MB21D2: variants seen among roughly 807,000 people sequenced by gnomAD.
The protein encoded by MB21D2 is Mab-21 domain containing 2, also known as nucleotidyltransferase MB21D2.
A neutral mutation model predicts 33.3 loss-of-function variants in MB21D2; 9 were observed. That is an observed-to-expected ratio of 0.27 (90% CI 0.16 to 0.47). MB21D2 has a LOEUF of 0.47. MB21D2 is among the 20% of genes least tolerant of loss of function. The probability of loss-of-function intolerance (pLI) is 0.99; values close to 1 mark genes in which losing one functional copy is unlikely to be tolerated. For synonymous variants in MB21D2, 241 were observed against 236.3 expected (o/e 1.02, Z -0.18); for missense variants, 540 against 624.6 (o/e 0.86, Z 1.44).
chr3:192,865,686 C>T (rs1713152577), intron 1 of MB21D2, among the ~76,000 whole-genome samples: 1 of 152,116 alleles, frequency 6.6e-6, no homozygotes, highest in Non-Finnish European at 1.5e-5. Flanking sequence ...ACCAGGCCCC[C>T]TCCCAATCTT....
At position 192,798,052 on chromosome 3, in the gene MB21D2, C is replaced by G; in HGVS notation, c.*334G>C. ...AGATTTGTTTCCCCATACCCATGAA[C>G]AAATTTGCACCAAGTATGAAACAGA... On this transcript the variant is annotated 3_prime_UTR_variant, in exon 2 of 2. Coordinates refer to ENST00000392452, the MANE Select transcript of MB21D2 (RefSeq NM_178496.4). The surrounding 1 kb of genome is among the most constrained non-coding windows in gnomAD (Gnocchi z 4.8). 4.7e-6 allele frequency: 1 copy of G among 211,406 alleles called. No homozygotes were observed. Among genetic ancestry groups the G allele is most frequent in the Non-Finnish European group, 9.5e-6 (1 of 105,038 alleles). The allele number at this position is 211,406 out of a possible 1,614,324, so 13.1% of individuals were successfully genotyped here.
chr3:192,914,988 G>C (rs997270313), intron 1 of MB21D2, among the ~76,000 whole-genome samples: 1 of 152,162 alleles, frequency 6.6e-6, no homozygotes, highest in African/African-American at 2.4e-5. Flanking sequence ...CACAAAAAGA[G>C]AGTAACATGC....
chr3:192,873,009 A>ACCC (rs780328953), intron 1 of MB21D2, among the ~76,000 whole-genome samples: 6 of 141,886 alleles, frequency 4.2e-5, no homozygotes, highest in African/African-American at 1.6e-4. Flanking sequence ...TTTAGAAGAC[A>ACCC]CCCCCCCCCA....
At chr3:192,861,709 C>G (rs570224640) in intron 1 of MB21D2, among the ~76,000 whole-genome samples, 2 of 152,288 alleles carry the variant, frequency 1.3e-5, no homozygotes, top group South Asian at 4.1e-4. Flanking sequence ...GAGGCTAAGG[C>G]AGGAGAATCA....
Position 192,852,762 on chromosome 3 carries a change from T to A in MB21D2, c.212-53112A>T, listed in dbSNP as rs578034463. Among the ~76,000 whole-genome samples, 4 of 152,198 alleles carry A rather than the reference T, an allele frequency of 2.6e-5. No homozygotes were observed. The East Asian group carries it at 5.8e-4, about 22-fold the overall frequency. ...GTCAGTTGACTGGCAAATCCTCCAATTTTGCCCTAGAACTTTCAGAATGAG... is the reference window on the plus strand; with the variant it reads ...GTCAGTTGACTGGCAAATCCTCCAAATTTGCCCTAGAACTTTCAGAATGAG... On this transcript the variant is annotated intron_variant, in intron 1 of 1. Coordinates refer to ENST00000392452, the MANE Select transcript of MB21D2 (RefSeq NM_178496.4).
chr3:192,905,990 C>T (rs12485900), intron 1 of MB21D2, among the ~76,000 whole-genome samples: 78,330 of 151,990 alleles, frequency 0.52, 20,861 homozygotes, highest in Non-Finnish European at 0.58. Flanking sequence ...TGTGTTAAAA[C>T]AGATACAATA....
chr3:192,882,550 T>C (rs868205975), intron 1 of MB21D2, among the ~76,000 whole-genome samples: 1 of 152,130 alleles, frequency 6.6e-6, no homozygotes, highest in Non-Finnish European at 1.5e-5. Flanking sequence ...AAGGGTCATC[T>C]GATTCTCTAG....
intron 1 of MB21D2, among the ~76,000 whole-genome samples, chr3:192,883,308 T>C (rs576679453): frequency 6.6e-6 from 1 of 152,288 alleles, no homozygotes; most frequent in Middle Eastern, 3.4e-3. Flanking sequence ...ATCTTTGCCA[T>C]GTACTCATTT....
intron 1 of MB21D2, among the ~76,000 whole-genome samples, chr3:192,872,372 C>G (rs1477218611): frequency 6.6e-6 from 1 of 151,944 alleles, no homozygotes; most frequent in Admixed American, 6.6e-5. Context: ...GTCAGGAGAT[C>G]GAGACCATCA....
chr3:192,807,096 A>G (rs139137269), intron 1 of MB21D2, among the ~76,000 whole-genome samples: 88 of 152,272 alleles, frequency 5.8e-4, no homozygotes, highest in African/African-American at 2.1e-3. Flanking sequence ...ATGCATACAC[A>G]TATCGATATA....
chr3:192,835,153 TAA>T (rs1553857240), intron 1 of MB21D2, among the ~76,000 whole-genome samples: 3,125 of 75,734 alleles, frequency 0.041, 129 homozygotes, highest in East Asian at 0.36. Context: ...AAAGTGTCTT[TAA>T]AAAAAAAAAA....
intron 1 of MB21D2, among the ~76,000 whole-genome samples, chr3:192,845,430 T>C (rs9858084): frequency 0.46 from 69,397 of 152,074 alleles, 16,413 homozygotes; most frequent in East Asian, 0.61. Context: ...ACAATTCCCA[T>C]GAAGAAGTGT....
At chr3:192,841,031 A>AGAAGTCT (rs1712559906) in intron 1 of MB21D2, among the ~76,000 whole-genome samples, 1 of 152,246 alleles carries the variant, frequency 6.6e-6, no homozygotes, top group African/African-American at 2.4e-5. Flanking sequence ...GTTCTGTCAC[A>AGAAGTCT]TAGTAGTTGA....
At chr3:192,888,156 G>C (rs1436034476) in intron 1 of MB21D2, among the ~76,000 whole-genome samples, 1 of 152,004 alleles carries the variant, frequency 6.6e-6, no homozygotes, top group African/African-American at 2.4e-5. Context: ...CTCTAAAATG[G>C]AGAGCATCAT....
chr3:192,832,739 G>A (rs544876453), intron 1 of MB21D2, among the ~76,000 whole-genome samples: 258 of 152,190 alleles, frequency 1.7e-3, no homozygotes, highest in African/African-American at 5.7e-3. Context: ...GCAGTGAGCC[G>A]AGAGATCGAG....
intron 1 of MB21D2, among the ~76,000 whole-genome samples, chr3:192,866,485 A>G (rs1005773157): frequency 6.6e-6 from 1 of 152,228 alleles, no homozygotes; most frequent in Non-Finnish European, 1.5e-5. Flanking sequence ...ACCTACTCCC[A>G]GCCCAATATG....
intron 1 of MB21D2, among the ~76,000 whole-genome samples, chr3:192,868,677 C>T (rs546277622): frequency 3.9e-5 from 6 of 151,982 alleles, no homozygotes; most frequent in Non-Finnish European, 8.8e-5. Context: ...TTCAATATAC[C>T]GAGGCTCCAT....
At chr3:192,838,857 G>A (rs544569134) in intron 1 of MB21D2, among the ~76,000 whole-genome samples, 1 of 152,324 alleles carries the variant, frequency 6.6e-6, no homozygotes, top group African/African-American at 2.4e-5. Context: ...AGCAGGGATA[G>A]AAGAGAGAAC....
At chr3:192,910,358 G>T (rs1041667919) in intron 1 of MB21D2, among the ~76,000 whole-genome samples, 2 of 151,714 alleles carry the variant, frequency 1.3e-5, no homozygotes, top group Non-Finnish European at 2.9e-5. Flanking sequence ...CTCTCCTGTG[G>T]TCCCAGGTAC....
Sources: gnomAD v4.1 joint callset for allele counts (sites outside exome capture counted in the v4.1 genomes callset) on GRCh38, gnomAD v4.1.1 for gene constraint, Gnocchi (gnomAD v3.1) non-coding constraint, MANE v1.5 for transcripts, NCBI Gene and HGNC (gene_info 2026-07-23, HGNC 2026-07-21) for gene names.